TP53BP2: variants seen among roughly 807,000 people sequenced by gnomAD.
TP53BP2 encodes the protein tumor protein p53 binding protein 2, also known as apoptosis-stimulating of p53 protein 2.
In TP53BP2, 62 loss-of-function variants were observed where a neutral mutation model predicts 126.2. The observed-to-expected ratio is 0.49, with a 90% CI of 0.40 to 0.61. TP53BP2 has a LOEUF of 0.61. TP53BP2 is among the 20% of genes least tolerant of loss of function. The pLI, the probability that TP53BP2 is intolerant of heterozygous loss-of-function variation, is 0.00. For synonymous variants in TP53BP2, 485 were observed against 502.9 expected (o/e 0.96, Z 0.48); for missense variants, 1,215 against 1,402.8 (o/e 0.87, Z 2.14).
intron 1 of TP53BP2, among the ~76,000 whole-genome samples, chr1:223,837,146 A>T (rs1236659239): frequency 2.0e-3 from 164 of 80,330 alleles, no homozygotes; most frequent in Non-Finnish European, 3.2e-3. Flanking sequence ...TTTTAAAATT[A>T]AAAAAAAAAG....
chr1:223,819,704 A>AAAGAAAT (rs1314125808), intron 2 of TP53BP2, among the ~76,000 whole-genome samples: 1 of 152,096 alleles, frequency 6.6e-6, no homozygotes, highest in Non-Finnish European at 1.5e-5. Context: ...AAAAAAGAAA[A>AAAGAAAT]CTGAGGAAGC....
At chr1:223,790,700 C>G (rs1438950104) in intron 15 of TP53BP2, among the ~76,000 whole-genome samples, 1 of 150,884 alleles carries the variant, frequency 6.6e-6, no homozygotes, top group Non-Finnish European at 1.5e-5. Context: ...GACCTCCAGG[C>G]TCCAGCAATC....
intron 2 of TP53BP2, among the ~76,000 whole-genome samples, chr1:223,814,823 T>C (rs996447311): frequency 6.6e-6 from 1 of 152,128 alleles, no homozygotes; most frequent in Non-Finnish European, 1.5e-5. Context: ...TAAATTATAA[T>C]TTTACAAACA....
intron 2 of TP53BP2, among the ~76,000 whole-genome samples, chr1:223,817,046 A>G (rs1260337379): frequency 6.6e-6 from 1 of 150,940 alleles, no homozygotes; most frequent in Non-Finnish European, 1.5e-5. Context: ...TATAGTCCCA[A>G]CTACTCAGGA....
intron 1 of TP53BP2, among the ~76,000 whole-genome samples, chr1:223,837,155 A>AGGGGGGGGG (rs139243545): frequency 1.3e-5 from 1 of 76,678 alleles, no homozygotes; most frequent in Non-Finnish European, 2.7e-5. Flanking sequence ...TAAAAAAAAA[A>AGGGGGGGGG]GGGGGGGGGC....
chr1:223,796,507 C>A lies in TP53BP2; in HGVS notation c.2032G>T (p.Gly678Cys). 6.2e-7 allele frequency: 1 copy of A among 1,614,064 alleles called. No homozygotes were observed. Among genetic ancestry groups the A allele is most frequent in the Non-Finnish European group, 8.5e-7 (1 of 1,180,014 alleles). The change falls in exon 13 of 18, where the codon GGC becomes TGC. Residue 678 changes from glycine to cysteine, a missense_variant. By Grantham distance (159) the Gly-to-Cys change is radical (BLOSUM62 -3). Transcript: ENST00000343537. The surrounding 1 kb of genome is among the most constrained non-coding windows in gnomAD (Gnocchi z 4.2). ...NIYSNSQGKP[G>C]SPEPETEPVS... is the part of the protein sequence containing the mutation. ...GGCTCTGTTTCAGGTTCTGGACTGCCAGGCTTGCCCTGGCTATTGGAATAA... is the reference window on the plus strand; with the variant it reads ...GGCTCTGTTTCAGGTTCTGGACTGCAAGGCTTGCCCTGGCTATTGGAATAA...
At chr1:223,806,693 G>T (rs529112663) in intron 5 of TP53BP2, among the ~76,000 whole-genome samples, 153 bp downstream of exon 5, 6 of 152,040 alleles carry the variant, frequency 3.9e-5, no homozygotes, top group Non-Finnish European at 7.4e-5. Context: ...GTGTGGTGGC[G>T]TCTGCCTGTA....
At chr1:223,781,683 C>T (rs893775863) in intron 17 of TP53BP2, among the ~76,000 whole-genome samples, 1 of 151,824 alleles carries the variant, frequency 6.6e-6, no homozygotes, top group African/African-American at 2.4e-5. Flanking sequence ...CCAGTTAAAA[C>T]TGAAAAACTG....
At chr1:223,817,925 CAA>C (rs770941359) in intron 2 of TP53BP2, among the ~76,000 whole-genome samples, 10 of 62,050 alleles carry the variant, frequency 1.6e-4, no homozygotes, top group Non-Finnish European at 2.5e-4. Flanking sequence ...GACTCAGTCT[CAA>C]AAAAAAAAAA....
intron 1 of TP53BP2, among the ~76,000 whole-genome samples, chr1:223,837,545 T>A (rs1030106719): frequency 6.6e-6 from 1 of 152,132 alleles, no homozygotes; most frequent in Admixed American, 6.6e-5. Context: ...AACAATTTAT[T>A]AGAGCAAGTG....
At chr1:223,801,083 C>A (rs1219307274) in intron 9 of TP53BP2, among the ~76,000 whole-genome samples, 1 of 152,236 alleles carries the variant, frequency 6.6e-6, no homozygotes, top group South Asian at 2.1e-4. Context: ...ATCACCATCA[C>A]ATCCAGAAAA....
At position 223,810,511 on chromosome 1, in the gene TP53BP2, T is replaced by C; in HGVS notation, c.292A>G (p.Ser98Gly). The C allele has an allele frequency of 6.3e-7, 1 of 1,599,678 alleles. No homozygotes were observed. The highest frequency in any genetic ancestry group is 8.5e-7 in the Non-Finnish European group (1 of 1,172,790). ...CTTGGATCCTGAGATCTTGGTCCAC[T>C]CACTAAGGACAAAATTCAAAAACTA... ...HERPPGRDIV[S>G]GPRSQDPSLK... The change falls in exon 4 of 18, where the codon AGT (serine) becomes GGT (glycine). Residue 98 changes from serine (S) to glycine (G), a missense_variant and splice_region_variant. Physicochemically the swap from Ser to Gly is moderately conservative, Grantham distance 56 (BLOSUM62 0). This residue lies in a region of TP53BP2 where 814 missense variants were observed against 853.0 expected (regional missense o/e 0.95). Transcript: ENST00000343537.
chr1:223,780,770 G>T lies in TP53BP2; in HGVS notation c.*83C>A. On this transcript the variant is annotated 3_prime_UTR_variant, in exon 18 of 18. Transcript: ENST00000343537. ...CTACATTGTCATTAAAATAAGTCTTGTGAAATTTTTGCCAAAAATAATCGT... is the reference window on the plus strand; with the variant it reads ...CTACATTGTCATTAAAATAAGTCTTTTGAAATTTTTGCCAAAAATAATCGT... The T allele has an allele frequency of 1.5e-6, 2 of 1,351,634 alleles. No individual in the cohort carries two copies. Among genetic ancestry groups the T allele is most frequent in the Non-Finnish European group, 1.0e-6 (1 of 957,906 alleles). The allele number at this position is 1,351,634 out of a possible 1,614,324, so 83.7% of individuals were successfully genotyped here.
Position 223,809,309 on chromosome 1 carries a change from G to A in TP53BP2, c.372+1122C>T, listed in dbSNP as rs183790179. Among the ~76,000 whole-genome samples, 915 of 152,210 alleles carry A rather than the reference G, an allele frequency of 6.0e-3. 6 individuals are homozygous for A. The highest frequency in any genetic ancestry group is 0.021 in the African/African-American group (858 of 41,520). On this transcript the variant is annotated intron_variant, in intron 4 of 17. Coordinates refer to ENST00000343537, the MANE Select transcript of TP53BP2 (RefSeq NM_001031685.3). The stretch of plus-strand genomic sequence containing the variant: ...AGCTCAGGCACCATGGCTAACGTCC[G>A]TAATCCCAGCACTTTGGGAGGCAGA...
intron 3 of TP53BP2, among the ~76,000 whole-genome samples, chr1:223,810,897 T>C (rs1461578164): frequency 6.6e-6 from 1 of 152,164 alleles, no homozygotes; most frequent in Admixed American, 6.5e-5. Flanking sequence ...CAAGAAAAAC[T>C]TCACTGAAAT....
chr1:223,786,608 AT>A (rs1362953100), intron 16 of TP53BP2, among the ~76,000 whole-genome samples: 30 of 135,796 alleles, frequency 2.2e-4, no homozygotes, highest in African/African-American at 9.7e-4. Flanking sequence ...GTGTGTGTGT[AT>A]ATTTTTTTTT....
chr1:223,781,140 T>C (rs989746332), intron 17 of TP53BP2, among the ~76,000 whole-genome samples: 2 of 152,168 alleles, frequency 1.3e-5, no homozygotes, highest in Admixed American at 1.3e-4. Context: ...AGCAGCAATA[T>C]AAAAACCCAT....
At chr1:223,783,723 T>C (rs1160900723) in intron 17 of TP53BP2, among the ~76,000 whole-genome samples, 1 of 152,236 alleles carries the variant, frequency 6.6e-6, no homozygotes, top group Non-Finnish European at 1.5e-5. Flanking sequence ...TTGCTTTTTA[T>C]GAAATATAAA....
chr1:223,844,704 GGCCAGGGAACA>G (rs147604839), intron 1 of TP53BP2, among the ~76,000 whole-genome samples: 41 of 152,222 alleles, frequency 2.7e-4, no homozygotes, highest in African/African-American at 8.9e-4. Flanking sequence ...ACAAGCAGGG[GGCCAGGGAACA>G]GCATATTATA....
Sources: gnomAD v4.1 joint callset for allele counts (sites outside exome capture counted in the v4.1 genomes callset) on GRCh38, gnomAD v4.1.1 for gene constraint, gnomAD v4.1.1 regional missense constraint, Gnocchi (gnomAD v3.1) non-coding constraint, MANE v1.5 for transcripts, NCBI Gene and HGNC (gene_info 2026-07-23, HGNC 2026-07-21) for gene names.